Variants in ZBTB7C observed in about 807,000 individuals in gnomAD.
The protein encoded by ZBTB7C is zinc finger and BTB domain-containing protein 7C.
ZBTB7C carries 8 observed loss-of-function variants against 25.7 expected under a neutral mutation model. The observed-to-expected ratio is 0.31, with a 90% CI of 0.18 to 0.56. ZBTB7C has a LOEUF of 0.56. Among genes scored for constraint, ZBTB7C ranks in the 20% least tolerant of loss-of-function variants. ZBTB7C has a pLI of 0.91. For missense variants in ZBTB7C, 824 were observed against 855.2 expected (o/e 0.96, Z 0.46); for synonymous variants, 394 against 369.0 (o/e 1.07, Z -0.78).
intron 2 of ZBTB7C, among the ~76,000 whole-genome samples, chr18:48,245,494 C>CAAAAA (rs5824738): frequency 7.5e-6 from 1 of 132,914 alleles, no homozygotes; most frequent in Non-Finnish European, 1.6e-5. Context: ...ATCAAGACAC[C>CAAAAA]AAAAAAAAAA....
intron 2 of ZBTB7C, among the ~76,000 whole-genome samples, chr18:48,305,766 T>G (rs943847329): frequency 1.3e-5 from 2 of 152,086 alleles, no homozygotes; most frequent in Non-Finnish European, 2.9e-5. Context: ...AAGGATTTGG[T>G]ATGGACAGAG....
At chr18:48,305,091 C>T (rs1008889969) in intron 2 of ZBTB7C, among the ~76,000 whole-genome samples, 5 of 152,168 alleles carry the variant, frequency 3.3e-5, no homozygotes, top group African/African-American at 4.8e-5. Context: ...CGGGGCCTGC[C>T]ACTGGAATTA....
At chr18:48,301,434 G>A (rs1279257358) in intron 2 of ZBTB7C, among the ~76,000 whole-genome samples, 5 of 152,284 alleles carry the variant, frequency 3.3e-5, no homozygotes, top group East Asian at 3.9e-4. Flanking sequence ...AGCCAAGATC[G>A]CACCACTACA....
At chr18:48,345,815 G>A (rs1416620320) in intron 1 of ZBTB7C, among the ~76,000 whole-genome samples, 1 of 152,176 alleles carries the variant, frequency 6.6e-6, no homozygotes, top group Non-Finnish European at 1.5e-5. Flanking sequence ...CAAGTGCAAG[G>A]CCCAGCTCTG....
chr18:48,072,257 G>A (rs1037029708), intron 3 of ZBTB7C, among the ~76,000 whole-genome samples: 7 of 152,198 alleles, frequency 4.6e-5, no homozygotes, highest in South Asian at 2.1e-4. Flanking sequence ...CAAGTCTGTC[G>A]TCTGTAAAAT....
intron 2 of ZBTB7C, among the ~76,000 whole-genome samples, chr18:48,207,174 G>A (rs1450805777): frequency 6.6e-6 from 1 of 152,242 alleles, no homozygotes; most frequent in Non-Finnish European, 1.5e-5. Flanking sequence ...AAGCGCTGGT[G>A]AGGATGTGTA....
intron 3 of ZBTB7C, among the ~76,000 whole-genome samples, chr18:48,051,055 C>A (rs2036666416): frequency 6.6e-6 from 1 of 152,138 alleles, no homozygotes; most frequent in African/African-American, 2.4e-5. Flanking sequence ...CTAGGCTCTG[C>A]CCCCTGTATG....
chr18:48,178,737 A>G (rs2041773183), intron 3 of ZBTB7C, among the ~76,000 whole-genome samples: 1 of 152,172 alleles, frequency 6.6e-6, no homozygotes, highest in African/African-American at 2.4e-5. Context: ...GTAAAGACGA[A>G]GGCCTTTCAT....
At chr18:48,332,721 C>T (rs187581783) in intron 2 of ZBTB7C, among the ~76,000 whole-genome samples, 6 of 137,534 alleles carry the variant, frequency 4.4e-5, no homozygotes, top group Non-Finnish European at 6.1e-5. Flanking sequence ...TTTCCAATTA[C>T]CAGGCAAGCC....
At chr18:48,263,900 A>G (rs941676715) in intron 2 of ZBTB7C, among the ~76,000 whole-genome samples, 1 of 152,194 alleles carries the variant, frequency 6.6e-6, no homozygotes, top group Non-Finnish European at 1.5e-5. Context: ...CCCCAAATGG[A>G]GTTAATAAAT....
chr18:48,262,785 T>TG (rs1395429538), intron 2 of ZBTB7C, among the ~76,000 whole-genome samples: 2 of 152,114 alleles, frequency 1.3e-5, no homozygotes, highest in African/African-American at 4.8e-5. Context: ...TGTGGCCAGA[T>TG]GGGGCAGTTT....
At chr18:48,350,149 T>C (rs1195410557) in intron 1 of ZBTB7C, among the ~76,000 whole-genome samples, 1 of 152,226 alleles carries the variant, frequency 6.6e-6, no homozygotes, top group African/African-American at 2.4e-5. Flanking sequence ...CCTTAGTGGT[T>C]TACACAACAT....
At chr18:48,181,687 C>G (rs1162818434) in intron 3 of ZBTB7C, among the ~76,000 whole-genome samples, 1 of 152,198 alleles carries the variant, frequency 6.6e-6, no homozygotes, top group African/African-American at 2.4e-5. Flanking sequence ...ACCTCGTCCA[C>G]CTTCTCAAGC....
At chr18:48,115,481 G>A (rs567611555) in intron 3 of ZBTB7C, among the ~76,000 whole-genome samples, 34 of 152,038 alleles carry the variant, frequency 2.2e-4, no homozygotes, top group African/African-American at 7.0e-4. Context: ...CTCGAGATCC[G>A]CCCGCCTCAG....
chr18:48,375,542 A>C (rs575583539), intron 1 of ZBTB7C: 1 of 152,360 alleles, frequency 6.6e-6, no homozygotes, highest in African/African-American at 2.4e-5. Context: ...GCATACCTGC[A>C]TCCTTTCTGG....
intron 3 of ZBTB7C, among the ~76,000 whole-genome samples, chr18:48,104,863 C>T (rs1467177223): frequency 2.6e-5 from 4 of 152,178 alleles, no homozygotes; most frequent in African/African-American, 9.7e-5. Context: ...GCAGTGCCTC[C>T]CAGGCCCTGG....
At chr18:48,336,775 C>A (rs1341767452) in intron 2 of ZBTB7C, among the ~76,000 whole-genome samples, 1 of 152,148 alleles carries the variant, frequency 6.6e-6, no homozygotes, top group East Asian at 1.9e-4. Context: ...TACCCAGTCC[C>A]CCAGGATGCT....
At chr18:48,173,280 AG>A (rs1478135319) in intron 3 of ZBTB7C, among the ~76,000 whole-genome samples, 2 of 152,182 alleles carry the variant, frequency 1.3e-5, no homozygotes, top group East Asian at 3.9e-4. Context: ...CCAACTGAAA[AG>A]GTTTATGTGG....
intron 2 of ZBTB7C, among the ~76,000 whole-genome samples, chr18:48,244,801 G>A (rs2144383593): frequency 6.6e-6 from 1 of 152,140 alleles, no homozygotes; most frequent in Middle Eastern, 3.4e-3. Context: ...AGATGTTGAT[G>A]TGGATGTGGT....
Sources: gnomAD v4.1 joint callset for allele counts (sites outside exome capture counted in the v4.1 genomes callset) on GRCh38, gnomAD v4.1.1 for gene constraint, MANE v1.5 for transcripts, NCBI Gene and HGNC (gene_info 2026-07-23, HGNC 2026-07-21) for gene names.